The following KLHL1 variants were observed in gnomAD, a reference collection of about 807,000 sequenced individuals.
KLHL1 encodes kelch like family member 1.
Under a neutral mutation model 77.7 loss-of-function variants are expected in KLHL1, and 47 were observed. That is an observed-to-expected ratio of 0.60 (90% CI 0.48 to 0.77). The LOEUF is 0.77. Among genes scored for constraint, KLHL1 ranks in the 30% least tolerant of loss-of-function variants. The probability of loss-of-function intolerance (pLI) is 0.00; values close to 1 mark genes in which losing one functional copy is unlikely to be tolerated. For missense variants in KLHL1, 925 were observed against 910.8 expected (o/e 1.02, Z -0.20); for synonymous variants, 360 against 325.2 (o/e 1.11, Z -1.15).
chr13:70,021,779 CT>C (rs1485582093), intron 1 of KLHL1, among the ~76,000 whole-genome samples: 2 of 151,928 alleles, frequency 1.3e-5, no homozygotes, highest in African/African-American at 2.4e-5. Flanking sequence ...ATCTGTATAT[CT>C]TTTTTGGTGA....
chr13:69,937,111 T>C (rs1357223697), intron 4 of KLHL1, among the ~76,000 whole-genome samples: 1 of 152,162 alleles, frequency 6.6e-6, no homozygotes, highest in Admixed American at 6.6e-5. Context: ...GAGCTGACTT[T>C]GGAGGGAAGT....
intron 7 of KLHL1, among the ~76,000 whole-genome samples, chr13:69,792,938 T>C (rs1876933335): frequency 1.3e-5 from 2 of 152,144 alleles, no homozygotes; most frequent in Admixed American, 6.6e-5. Context: ...GACAAAAATG[T>C]TTTGGAATTT....
chr13:69,800,635 T>C (rs1284016394), intron 6 of KLHL1, among the ~76,000 whole-genome samples: 2 of 152,172 alleles, frequency 1.3e-5, no homozygotes, highest in Non-Finnish European at 2.9e-5. Context: ...ATATCCTTCA[T>C]GGAATTTCCT....
chr13:69,786,701 A>T (rs1876569310), intron 7 of KLHL1, among the ~76,000 whole-genome samples: 1 of 152,172 alleles, frequency 6.6e-6, no homozygotes, highest in Admixed American at 6.5e-5. Context: ...CAATTAGGAA[A>T]AGAGTAAGTC....
chr13:69,886,654 C>T (rs2138202184), intron 4 of KLHL1, among the ~76,000 whole-genome samples: 1 of 152,058 alleles, frequency 6.6e-6, no homozygotes, highest in South Asian at 2.1e-4. Flanking sequence ...TAACCTATAG[C>T]AATATATTTT....
chr13:69,911,481 T>C (rs915686185), intron 4 of KLHL1, among the ~76,000 whole-genome samples: 1 of 151,596 alleles, frequency 6.6e-6, no homozygotes, highest in Non-Finnish European at 1.5e-5. Flanking sequence ...GTTATGTTAA[T>C]GGATTCTCTT....
chr13:69,880,396 A>G (rs1482457327), intron 5 of KLHL1, among the ~76,000 whole-genome samples: 5 of 152,148 alleles, frequency 3.3e-5, no homozygotes, highest in African/African-American at 1.2e-4. Flanking sequence ...AGGTACATAT[A>G]AAGTTATAAT....
intron 7 of KLHL1, among the ~76,000 whole-genome samples, chr13:69,789,419 A>C (rs144785072): frequency 6.6e-6 from 1 of 152,070 alleles, no homozygotes; most frequent in African/African-American, 2.4e-5. Context: ...ATGACTATTG[A>C]GTCGAGGAAT....
chr13:69,902,947 A>ATT (rs935786768), intron 4 of KLHL1, among the ~76,000 whole-genome samples: 13 of 152,172 alleles, frequency 8.5e-5, no homozygotes, highest in African/African-American at 2.7e-4. Context: ...TAGCTTTTCC[A>ATT]TTATATATAT....
At chr13:70,093,974 G>A (rs1887730384) in intron 1 of KLHL1, among the ~76,000 whole-genome samples, 1 of 152,168 alleles carries the variant, frequency 6.6e-6, no homozygotes, top group South Asian at 2.1e-4. Context: ...ATATATTTAT[G>A]AAATTATATA....
intron 1 of KLHL1, among the ~76,000 whole-genome samples, chr13:70,097,181 T>C (rs1173632179): frequency 6.6e-6 from 1 of 152,006 alleles, no homozygotes; most frequent in Non-Finnish European, 1.5e-5. Context: ...TTTGCAACCA[T>C]TCCATTTTGA....
intron 5 of KLHL1, 87 bp from the exon 6 acceptor site, chr13:69,839,249 T>A: frequency 1.1e-6 from 1 of 905,668 alleles, no homozygotes; most frequent in Non-Finnish European, 1.7e-6. Context: ...TTAATGTCTG[T>A]GATATTATCC....
chr13:70,100,542 C>A (rs1314322713), intron 1 of KLHL1, among the ~76,000 whole-genome samples: 14 of 152,082 alleles, frequency 9.2e-5, no homozygotes, highest in Admixed American at 4.6e-4. Context: ...ACTAAGTTGG[C>A]CAGGCTGGTC....
In KLHL1 at chr13:70,076,235, AC is replaced by A. The variant is rs551532825; in HGVS notation, c.497+30967del. On this transcript the variant is annotated intron_variant, in intron 1 of 10. Transcript: ENST00000377844. ...TTGACACTACACAACTTCCAGACTT[AC>A]TAAAATCTATGGTAATCAAGAGAGT... is the stretch of plus-strand genomic sequence containing the variant. Among the ~76,000 whole-genome samples, 20 of 152,130 alleles carry A rather than the reference AC, an allele frequency of 1.3e-4. 1 individual carries two copies. The South Asian group carries it at 4.1e-3, about 31-fold the overall frequency.
chr13:69,961,613 C>A (rs1884066847), intron 2 of KLHL1, among the ~76,000 whole-genome samples, 169 bp from the exon 3 acceptor site: 1 of 152,052 alleles, frequency 6.6e-6, no homozygotes, highest in Admixed American at 6.6e-5. Context: ...AAAACTCTTC[C>A]CCTAACTTTT....
intron 2 of KLHL1, among the ~76,000 whole-genome samples, chr13:69,970,374 A>G (rs1884347695): frequency 6.6e-6 from 1 of 152,146 alleles, no homozygotes; most frequent in South Asian, 2.1e-4. Context: ...AGTCAAAATT[A>G]TGAAAGTATC....
intron 1 of KLHL1, among the ~76,000 whole-genome samples, chr13:69,982,918 A>G (rs1006519371): frequency 6.6e-6 from 1 of 152,126 alleles, no homozygotes; most frequent in Non-Finnish European, 1.5e-5. Context: ...GAAAAATTAA[A>G]TTGTCCCTGT....
chr13:70,027,275 G>C (rs937959468), intron 1 of KLHL1, among the ~76,000 whole-genome samples: 2 of 152,050 alleles, frequency 1.3e-5, no homozygotes. Flanking sequence ...GAAAAAGATA[G>C]ACAAAGTAAG....
chr13:69,723,007 C>T (rs958584166), intron 8 of KLHL1, among the ~76,000 whole-genome samples: 2 of 152,028 alleles, frequency 1.3e-5, no homozygotes, highest in African/African-American at 4.8e-5. Context: ...AAACAATAAA[C>T]TCCTAATATT....
Sources: gnomAD v4.1 joint callset for allele counts (sites outside exome capture counted in the v4.1 genomes callset) on GRCh38, gnomAD v4.1.1 for gene constraint, MANE v1.5 for transcripts, NCBI Gene and HGNC (gene_info 2026-07-23, HGNC 2026-07-21) for gene names.